The following VTI1A variants were observed in gnomAD, a reference collection of about 807,000 sequenced individuals.
The protein encoded by VTI1A is vesicle transport through interaction with t-SNAREs homolog 1A.
A neutral mutation model predicts 34.9 loss-of-function variants in VTI1A; 22 were observed. The observed-to-expected ratio is 0.63, with a 90% confidence interval of 0.45 to 0.90. The LOEUF (loss-of-function observed/expected upper bound fraction) is 0.90. Among genes scored for constraint, VTI1A ranks in the 40% least tolerant of loss-of-function variants. The probability of loss-of-function intolerance (pLI) is 0.00; values close to 1 mark genes in which losing one functional copy is unlikely to be tolerated. For synonymous variants in VTI1A, 87 were observed against 97.3 expected, an observed-to-expected ratio of 0.89 and a Z score of 0.62; for missense variants, 268 against 275.6, an observed-to-expected ratio of 0.97 and a Z score of 0.20.
chr10:112,681,162 A>C (rs1030741273), intron 7 of VTI1A, among the ~76,000 whole-genome samples: 1 of 151,464 alleles, frequency 6.6e-6, no homozygotes, highest in Non-Finnish European at 1.5e-5. Context: ...TGCAACCTCA[A>C]CTTTCTGGGC....
chr10:112,751,198 A>G (rs1019434732), intron 7 of VTI1A, among the ~76,000 whole-genome samples: 2 of 152,212 alleles, frequency 1.3e-5, no homozygotes, highest in African/African-American at 4.8e-5. Context: ...AGAGAAAAGA[A>G]TTACGACTGT....
the VTI1A span, among the ~76,000 whole-genome samples, chr10:112,836,069 T>G: frequency 2.0e-5 from 3 of 152,180 alleles, no homozygotes; most frequent in Admixed American, 2.0e-4. Flanking sequence ...TCACAGCCCT[T>G]GGGGTGGGAG....
intron 3 of VTI1A, among the ~76,000 whole-genome samples, chr10:112,478,035 T>A (rs1441030865): frequency 1.3e-5 from 2 of 152,196 alleles, no homozygotes; most frequent in Non-Finnish European, 2.9e-5. Flanking sequence ...TTTTTTACTT[T>A]TTTGAATGAA....
the VTI1A span, among the ~76,000 whole-genome samples, chr10:112,834,867 C>T: frequency 3.9e-5 from 6 of 152,238 alleles, no homozygotes; most frequent in East Asian, 1.9e-4. Flanking sequence ...GGGCCTTCAG[C>T]GGGCTGGCAG....
chr10:112,504,563 A>T (rs868460995), intron 3 of VTI1A, among the ~76,000 whole-genome samples: 2 of 152,126 alleles, frequency 1.3e-5, no homozygotes, highest in South Asian at 2.1e-4. Flanking sequence ...TAACCAATCC[A>T]TGTGAATTAG....
intron 5 of VTI1A, among the ~76,000 whole-genome samples, chr10:112,653,116 A>G (rs1286805662): frequency 6.6e-6 from 1 of 152,186 alleles, no homozygotes; most frequent in Non-Finnish European, 1.5e-5. Context: ...CCCTCTGTAA[A>G]TGAAGAGGAT....
chr10:112,454,782 T>C (rs1180358461), intron 1 of VTI1A, among the ~76,000 whole-genome samples: 1 of 151,870 alleles, frequency 6.6e-6, no homozygotes, highest in South Asian at 2.1e-4. Context: ...CATATAGCAG[T>C]TACGAGCTCA....
chr10:112,452,163 T>C (rs1032666408), intron 1 of VTI1A, among the ~76,000 whole-genome samples: 8 of 152,320 alleles, frequency 5.3e-5, no homozygotes, highest in Admixed American at 4.6e-4. Context: ...GGATTCAGGC[T>C]ACCTCAAAAT....
intron 1 of VTI1A, among the ~76,000 whole-genome samples, chr10:112,451,604 G>A (rs1398047887): frequency 7.2e-5 from 11 of 152,234 alleles, no homozygotes; most frequent in African/African-American, 1.9e-4. Flanking sequence ...GGAGAGAAGT[G>A]AAAGTGGTGT....
chr10:112,745,134 C>T lies in VTI1A; in HGVS notation c.561-70156C>T, dbSNP rs186888227. 1.6e-4 allele frequency among the ~76,000 whole-genome samples: 24 copies of T among 152,078 alleles called. No individual in the cohort carries two copies. The East Asian group carries it at 4.5e-3, about 28-fold the overall frequency. On this transcript the variant is annotated intron_variant, in intron 7 of 7. Coordinates refer to ENST00000393077, the MANE Select transcript of VTI1A (RefSeq NM_145206.4). ...TCCCTATGTTTTTTGGCTGCATAAT[C>T]CCTGGCCATTTCTTCACCTAATAAT...
Position 112,610,056 on chromosome 10 carries a change from G to C in VTI1A, c.428-58162G>C, listed in dbSNP as rs76738765. 9.9e-5 allele frequency among the ~76,000 whole-genome samples: 15 copies of C among 151,972 alleles called. No homozygotes were observed. In the East Asian group the frequency reaches 2.9e-3, roughly 29 times the overall value. On this transcript the variant is annotated intron_variant, in intron 5 of 7. Coordinates refer to ENST00000393077, the MANE Select transcript of VTI1A (RefSeq NM_145206.4). ...AAACACATAGGAAAAGAGAAACAGT[G>C]TGGTAAACAAAACACACAGGAAAAG...
intron 7 of VTI1A, among the ~76,000 whole-genome samples, chr10:112,801,206 T>C (rs1169550535): frequency 1.3e-5 from 2 of 151,804 alleles, no homozygotes; most frequent in Admixed American, 6.6e-5. Flanking sequence ...AAGCTGGGGG[T>C]TGGGGAGGGG....
At chr10:112,537,250 C>T (rs189576829) in intron 4 of VTI1A, among the ~76,000 whole-genome samples, 1 of 147,264 alleles carries the variant, frequency 6.8e-6, no homozygotes, top group East Asian at 2.0e-4. Flanking sequence ...TACATGTATG[C>T]ATGTACACAC....
At chr10:112,667,175 T>G (rs1345967259) in intron 5 of VTI1A, among the ~76,000 whole-genome samples, 1 of 152,200 alleles carries the variant, frequency 6.6e-6, no homozygotes, top group African/African-American at 2.4e-5. Context: ...TTATAATAGA[T>G]GCTTGTTTGA....
At chr10:112,777,913 A>T (rs968272115) in intron 7 of VTI1A, among the ~76,000 whole-genome samples, 2 of 151,954 alleles carry the variant, frequency 1.3e-5, no homozygotes, top group African/African-American at 4.8e-5. Flanking sequence ...GACCAGCCTG[A>T]CCAACATGGA....
chr10:112,564,353 C>T (rs997192881), intron 5 of VTI1A, among the ~76,000 whole-genome samples: 3 of 151,126 alleles, frequency 2.0e-5, no homozygotes, highest in Non-Finnish European at 2.9e-5. Context: ...AATAATTTTC[C>T]GTGTATTGTG....
At chr10:112,636,434 T>C (rs2134645933) in intron 5 of VTI1A, among the ~76,000 whole-genome samples, 1 of 152,224 alleles carries the variant, frequency 6.6e-6, no homozygotes, top group South Asian at 2.1e-4. Context: ...TCAAATAGAT[T>C]ATAAACTCCA....
At chr10:112,478,353 G>A (rs961839584) in intron 3 of VTI1A, among the ~76,000 whole-genome samples, 2 of 152,184 alleles carry the variant, frequency 1.3e-5, no homozygotes, top group African/African-American at 2.4e-5. Flanking sequence ...GGGAAAATGC[G>A]AGGGTCAAAT....
At chr10:112,670,225 G>A (rs1401760688) in intron 7 of VTI1A, among the ~76,000 whole-genome samples, 1 of 152,136 alleles carries the variant, frequency 6.6e-6, no homozygotes, top group Non-Finnish European at 1.5e-5. Flanking sequence ...CCTGCGTCGT[G>A]AGCTGTAACG....
Sources: allele counts gnomAD v4.1 joint callset (sites outside exome capture counted in the v4.1 genomes callset), GRCh38; gene constraint gnomAD v4.1.1; transcripts MANE v1.5; gene names NCBI Gene and HGNC (gene_info 2026-07-23, HGNC 2026-07-21).